GTF2H3: variants seen among roughly 807,000 people sequenced by gnomAD.
The protein encoded by GTF2H3 is TFIIH basal transcription factor complex p34 subunit.
In GTF2H3, 42 loss-of-function variants were observed where a neutral mutation model predicts 51.1. The observed-to-expected ratio is 0.82, with a 90% CI of 0.64 to 1.06. GTF2H3 has a LOEUF of 1.06. Among genes scored for constraint, GTF2H3 ranks in the 50% least tolerant of loss-of-function variants. GTF2H3 has a pLI of 0.00. For missense variants in GTF2H3, 326 were observed against 366.1 expected (o/e 0.89, Z 0.89); for synonymous variants, 123 against 123.8 (o/e 0.99, Z 0.04).
intron 1 of GTF2H3, 69 bp downstream of exon 1, chr12:123,633,941 G>A (rs1051302453): frequency 2.0e-6 from 3 of 1,513,600 alleles, no homozygotes; most frequent in Non-Finnish European, 2.7e-6. Context: ...CGACTGGCCA[G>A]ATGGAATGTG....
chr12:123,655,105 T>C, intron 8 of GTF2H3, 107 bp downstream of exon 8: 1 of 829,654 alleles, frequency 1.2e-6, no homozygotes, highest in Non-Finnish European at 2.0e-6. Flanking sequence ...GGCTTATGAA[T>C]GGGCAAGGAA....
chr12:123,654,842 G>A, intron 7 of GTF2H3, 82 bp from the exon 8 acceptor site: 1 of 876,276 alleles, frequency 1.1e-6, no homozygotes, highest in Non-Finnish European at 1.9e-6. Flanking sequence ...AATGTTGGTT[G>A]TGGTTCGCAG....
Position 123,648,055 on chromosome 12 carries a change from A to G in GTF2H3, c.293A>G (p.Asp98Gly), listed in dbSNP as rs752789294. 6.2e-7 allele frequency: 1 copy of G among 1,612,082 alleles called. No individual in the cohort carries two copies. The highest frequency in any genetic ancestry group is 8.5e-7 in the Non-Finnish European group (1 of 1,178,142). ...PPEFNPSGSK[D>G]GKYELLTSAN... ...GAATTTAATCCCTCTGGGAGTAAAG[A>G]TGGAAAATACGAACTTTTAACCTCA... Residue 98 changes from aspartate (D) to glycine (G), a missense_variant, in exon 4 of 13, where the codon GAT (aspartate) becomes GGT (glycine). Asp to Gly is a moderately conservative substitution (Grantham distance 94). Transcript: ENST00000543341.
rs1955444856 is a variant in GTF2H3, at chr12:123,646,226, T to C, written c.200+665T>C. Among the ~76,000 whole-genome samples the C allele has an allele frequency of 2.0e-5, 3 of 152,064 alleles. No individual in the cohort carries two copies. In the South Asian group the frequency reaches 6.2e-4, roughly 31 times the overall value. ...ATTATGCACTGACAGAAGAGTTGAA[T>C]TACCATGTAAGACACAGCTCTTCTA... On this transcript the variant is annotated intron_variant, in intron 3 of 12. Coordinates refer to ENST00000543341, the MANE Select transcript of GTF2H3 (RefSeq NM_001516.5).
intron 2 of GTF2H3, among the ~76,000 whole-genome samples, chr12:123,643,643 G>GT (rs961417084): frequency 7.9e-5 from 12 of 151,956 alleles, no homozygotes; most frequent in Admixed American, 1.3e-4. Context: ...ATAGTGTGTG[G>GT]TTTTTTTTAA....
At chr12:123,655,337 G>A (rs1955573146) in intron 8 of GTF2H3, among the ~76,000 whole-genome samples, 1 of 152,066 alleles carries the variant, frequency 6.6e-6, no homozygotes, top group Non-Finnish European at 1.5e-5. Flanking sequence ...TTGTTGCTGT[G>A]GCGAAGCTGT....
intron 3 of GTF2H3, among the ~76,000 whole-genome samples, 188 bp from the exon 4 acceptor site, chr12:123,647,775 T>A (rs915600200): frequency 6.6e-6 from 1 of 152,224 alleles, no homozygotes; most frequent in Non-Finnish European, 1.5e-5. Context: ...CATTTTTTCT[T>A]TGTTTTTATA....
At position 123,639,254 on chromosome 12, in the gene GTF2H3, A is replaced by G. The variant is rs1273083378; in HGVS notation, c.14-10A>G. ...ATGTTTTAAATTTTATTTCTTGTTA[A>G]TATTTTCAGAAGATGAATTGAATCT... On this transcript the variant is annotated splice_polypyrimidine_tract_variant and intron_variant, in intron 1 of 12. Transcript: ENST00000543341. The G allele has an allele frequency of 7.4e-7, 1 of 1,353,876 alleles. No individual in the cohort carries two copies. The highest frequency in any genetic ancestry group is 1.2e-5 in the South Asian group (1 of 82,836). The allele number at this position is 1,353,876 out of a possible 1,614,324, so 83.9% of individuals were successfully genotyped here. A position where few individuals can be genotyped will look rare whatever the true frequency, so the allele number is the denominator to read the frequency against.
At chr12:123,635,714 G>A (rs1566221064) in intron 1 of GTF2H3, among the ~76,000 whole-genome samples, 1 of 152,110 alleles carries the variant, frequency 6.6e-6, no homozygotes, top group Non-Finnish European at 1.5e-5. Context: ...CACCAGTTCT[G>A]ATTTACACAC....
chr12:123,637,504 C>CT (rs869031925), intron 1 of GTF2H3, among the ~76,000 whole-genome samples: 11,388 of 140,808 alleles, frequency 0.081, 709 homozygotes, highest in African/African-American at 0.16. Flanking sequence ...TGTTTTTTAA[C>CT]TTTTTTTTTT....
chr12:123,646,396 G>A (rs1232651514), intron 3 of GTF2H3, among the ~76,000 whole-genome samples: 1 of 151,856 alleles, frequency 6.6e-6, no homozygotes, highest in African/African-American at 2.4e-5. Flanking sequence ...CAAGTAGCTG[G>A]GACTACAGGT....
intron 4 of GTF2H3, 124 bp downstream of exon 4, chr12:123,648,250 C>T: frequency 3.2e-6 from 2 of 634,046 alleles, no homozygotes; most frequent in South Asian, 4.7e-5. Context: ...TTTTAAAAAT[C>T]ATTTTCGTCA....
At position 123,645,570 on chromosome 12, in the gene GTF2H3, A is replaced by G; in HGVS notation, c.200+9A>G. ...AGTCACATTCAAGAAAGGTATGACC[A>G]TTGTGATTGCTTTTGCTCTTCAGTG... is the stretch of plus-strand genomic sequence containing the variant. On this transcript the variant is annotated intron_variant, in intron 3 of 12. Transcript: ENST00000543341. 2 of 1,411,704 alleles carry G rather than the reference A, an allele frequency of 1.4e-6. No homozygotes were observed. The highest frequency in any genetic ancestry group is 1.8e-4 in the Middle Eastern group (1 of 5,692). The allele number at this position is 1,411,704 out of a possible 1,614,324, so 87.4% of individuals were successfully genotyped here.
chr12:123,645,198 G>A (rs570868693), intron 2 of GTF2H3, among the ~76,000 whole-genome samples: 9 of 152,304 alleles, frequency 5.9e-5, no homozygotes, highest in African/African-American at 2.2e-4. Flanking sequence ...AGCCTTCAGA[G>A]TAGCTAAGAC....
chr12:123,642,482 TTG>T (rs1955391271), intron 2 of GTF2H3, among the ~76,000 whole-genome samples: 1 of 152,210 alleles, frequency 6.6e-6, no homozygotes, highest in Admixed American at 6.5e-5. Context: ...CTCTTCTTAC[TTG>T]TGATTCTATT....
At chr12:123,648,234 C>T (rs1955476104) in intron 4 of GTF2H3, 108 bp downstream of exon 4, 1 of 690,172 alleles carries the variant, frequency 1.4e-6, no homozygotes, top group Admixed American at 3.1e-5. Flanking sequence ...CCTGCACGTT[C>T]TCACTTTTTA....
chr12:123,642,390 C>T (rs1282490735), intron 2 of GTF2H3, among the ~76,000 whole-genome samples: 3 of 151,262 alleles, frequency 2.0e-5, no homozygotes, highest in South Asian at 2.1e-4. Flanking sequence ...AGGCTGGTCT[C>T]GATCTCTTGA....
chr12:123,639,831 A>G, intron 2 of GTF2H3: 1 of 346,430 alleles, frequency 2.9e-6, no homozygotes, highest in African/African-American at 2.1e-5. Flanking sequence ...TGAAACTATC[A>G]GTGCAATCTA....
At chr12:123,649,676 C>T (rs1324019521) in intron 4 of GTF2H3, 2 of 152,168 alleles carry the variant, frequency 1.3e-5, no homozygotes, top group Non-Finnish European at 2.9e-5. Flanking sequence ...ATCAGAATCA[C>T]CTGGGGGAAA....
Sources: allele counts gnomAD v4.1 joint callset (sites outside exome capture counted in the v4.1 genomes callset), GRCh38; gene constraint gnomAD v4.1.1; transcripts MANE v1.5; gene names NCBI Gene and HGNC (gene_info 2026-07-23, HGNC 2026-07-21).